Variants in CTNNA2 observed in about 807,000 individuals in gnomAD.
The protein encoded by CTNNA2 is catenin alpha-2.
A neutral mutation model predicts 101.0 loss-of-function variants in CTNNA2; 42 were observed. That is an observed-to-expected ratio of 0.42 (90% confidence interval 0.32 to 0.54). The LOEUF (loss-of-function observed/expected upper bound fraction) is 0.54. CTNNA2 is among the 20% of genes least tolerant of loss of function. The pLI, the probability that CTNNA2 is intolerant of heterozygous loss-of-function variation, is 0.14. For missense variants in CTNNA2, 871 were observed against 1,223.1 expected (o/e 0.71, Z 4.29); for synonymous variants, 450 against 456.4 (o/e 0.99, Z 0.18).
At position 79,731,850 on chromosome 2, in the gene CTNNA2, T is replaced by A. The variant is rs998238466; in HGVS notation, c.103-12537T>A. Reference sequence around the variant, plus strand: ...CAACTTTATTTTTGTTTTTTTTTTTTACCATCAAATGCAGTTTGTCTCTTT... The same window carrying A: ...CAACTTTATTTTTGTTTTTTTTTTTAACCATCAAATGCAGTTTGTCTCTTT... On this transcript the variant is annotated intron_variant, in intron 2 of 18. Transcript: ENST00000402739. Among the ~76,000 whole-genome samples, 10 of 138,046 alleles carry A rather than the reference T, an allele frequency of 7.2e-5. No individual in the cohort carries two copies. In the East Asian group the frequency reaches 8.4e-4, roughly 12 times the overall value. 90.6% of individuals were successfully genotyped at this position (138,046 alleles called of 152,430 possible).
intron 7 of CTNNA2, among the ~76,000 whole-genome samples, chr2:79,992,303 AAAAAG>A (rs1692237523): frequency 1.3e-5 from 2 of 152,220 alleles, no homozygotes; most frequent in Non-Finnish European, 2.9e-5. Flanking sequence ...AATCACAAAA[AAAAAG>A]AAAAGAAATG....
At chr2:80,429,215 C>G (rs1226757158) in intron 9 of CTNNA2, among the ~76,000 whole-genome samples, 4 of 152,046 alleles carry the variant, frequency 2.6e-5, no homozygotes, top group African/African-American at 7.3e-5. Context: ...TCAAGGCCCC[C>G]CCTTAGACTC....
chr2:79,209,092 G>T (rs1674136851), intron 2 of CTNNA2, among the ~76,000 whole-genome samples: 3 of 152,162 alleles, frequency 2.0e-5, no homozygotes, highest in African/African-American at 7.2e-5. Flanking sequence ...GAGGCAGGAA[G>T]ACGGCTTGAG....
chr2:79,196,225 C>G (rs552505411), intron 1 of CTNNA2, among the ~76,000 whole-genome samples: 1 of 152,316 alleles, frequency 6.6e-6, no homozygotes, highest in South Asian at 2.1e-4. Context: ...AGCCACCGCA[C>G]CCAGCCTGAA....
chr2:80,011,724 T>G (rs1693800118), intron 7 of CTNNA2, among the ~76,000 whole-genome samples: 1 of 152,198 alleles, frequency 6.6e-6, no homozygotes, highest in Admixed American at 6.5e-5. Context: ...GCAATAAAGT[T>G]GTTAAGAGTT....
At chr2:79,949,558 A>G (rs891232464) in intron 7 of CTNNA2, among the ~76,000 whole-genome samples, 4 of 152,144 alleles carry the variant, frequency 2.6e-5, no homozygotes, top group Non-Finnish European at 5.9e-5. Flanking sequence ...ACTTGAGCCC[A>G]GGGGTTTGAC....
chr2:79,336,981 C>T (rs1677009140), intron 3 of CTNNA2, among the ~76,000 whole-genome samples: 1 of 152,142 alleles, frequency 6.6e-6, no homozygotes, highest in African/African-American at 2.4e-5. Flanking sequence ...TGAGATCAAG[C>T]CTGCTTCTCT....
At chr2:79,867,689 G>A (rs1403862430) in intron 4 of CTNNA2, among the ~76,000 whole-genome samples, 1 of 151,928 alleles carries the variant, frequency 6.6e-6, no homozygotes, top group Non-Finnish European at 1.5e-5. Flanking sequence ...AAACCACTGA[G>A]AAAATAAGTT....
chr2:79,200,340 C>T (rs372818095), intron 2 of CTNNA2, among the ~76,000 whole-genome samples: 15 of 151,124 alleles, frequency 9.9e-5, no homozygotes, highest in East Asian at 9.8e-4. Flanking sequence ...GCCGAGATTG[C>T]GCCACTGCAC....
chr2:79,796,243 G>A (rs1050253013), intron 3 of CTNNA2, among the ~76,000 whole-genome samples: 6 of 152,126 alleles, frequency 3.9e-5, no homozygotes, highest in African/African-American at 1.4e-4. Flanking sequence ...ACTTAAGAAA[G>A]ATTTTAATAT....
intron 9 of CTNNA2, among the ~76,000 whole-genome samples, chr2:80,486,329 G>A (rs997265490): frequency 3.9e-5 from 6 of 152,116 alleles, no homozygotes; most frequent in Admixed American, 3.3e-4. Flanking sequence ...TCTGCAATTA[G>A]GGCTTGTGTT....
At chr2:80,560,475 T>C (rs939067690) in intron 12 of CTNNA2, among the ~76,000 whole-genome samples, 1 of 152,196 alleles carries the variant, frequency 6.6e-6, no homozygotes, top group Admixed American at 6.5e-5. Flanking sequence ...TGTTTTGTCA[T>C]TCAAGAATGG....
intron 1 of CTNNA2, among the ~76,000 whole-genome samples, chr2:79,537,338 C>T (rs1673135642): frequency 6.6e-6 from 1 of 152,186 alleles, no homozygotes; most frequent in African/African-American, 2.4e-5. Context: ...TTTCTTGTCT[C>T]AGAATGCTCT....
At chr2:79,539,344 G>T (rs35748328) in intron 1 of CTNNA2, among the ~76,000 whole-genome samples, 11 of 152,156 alleles carry the variant, frequency 7.2e-5, no homozygotes, top group African/African-American at 2.2e-4. Context: ...AGTGTGAAAG[G>T]CCTCGAGAAG....
chr2:79,720,998 A>G (rs1686446549), intron 2 of CTNNA2, among the ~76,000 whole-genome samples: 1 of 152,014 alleles, frequency 6.6e-6, no homozygotes, highest in South Asian at 2.1e-4. Context: ...ATAAATTAAT[A>G]TGGGGTTTAA....
At chr2:80,646,828 A>T (rs1230576600) in intron 18 of CTNNA2, among the ~76,000 whole-genome samples, 1 of 152,090 alleles carries the variant, frequency 6.6e-6, no homozygotes. Flanking sequence ...AGTATCTTTA[A>T]AGACTAAAAC....
rs747840451 is a variant in CTNNA2 at position 79,751,488 on chromosome 2, C to T, written c.298+6906C>T. Among the ~76,000 whole-genome samples the T allele has an allele frequency of 5.1e-4, 74 of 143,964 alleles. 1 individual carries two copies. The highest frequency in any genetic ancestry group is 3.2e-3 in the Admixed American group (44 of 13,908). 94.4% of individuals were successfully genotyped at this position (143,964 alleles called of 152,430 possible). ...GCTCATGCCTGTAGCTCCAGATAGG[C>T]GGGAGGCTGAGGCAGTAGAATCACT... On this transcript the variant is annotated intron_variant, in intron 3 of 18. Coordinates refer to ENST00000402739, the MANE Select transcript of CTNNA2 (RefSeq NM_001282597.3).
chr2:79,881,569 C>T (rs765487457), intron 6 of CTNNA2, among the ~76,000 whole-genome samples: 2 of 151,324 alleles, frequency 1.3e-5, no homozygotes, highest in Non-Finnish European at 3.0e-5. Flanking sequence ...TTATGTAATG[C>T]CCTTGTCATT....
chr2:80,432,597 T>C (rs1427936971), intron 9 of CTNNA2, among the ~76,000 whole-genome samples: 1 of 152,156 alleles, frequency 6.6e-6, no homozygotes, highest in Non-Finnish European at 1.5e-5. Flanking sequence ...ACTGACAGAT[T>C]GTTATTTTTT....
Sources: gnomAD v4.1 joint callset for allele counts (sites outside exome capture counted in the v4.1 genomes callset) on GRCh38, gnomAD v4.1.1 for gene constraint, MANE v1.5 for transcripts, NCBI Gene and HGNC (gene_info 2026-07-23, HGNC 2026-07-21) for gene names.